The following GMDS variants were observed in gnomAD, a reference collection of about 807,000 sequenced individuals.
GMDS encodes GDP-mannose 4,6 dehydratase.
GMDS carries 20 observed loss-of-function variants against 49.9 expected under a neutral mutation model. That is an observed-to-expected ratio of 0.40 (90% confidence interval 0.28 to 0.58). GMDS has a LOEUF of 0.58. GMDS is among the 20% of genes least tolerant of loss of function. The probability of loss-of-function intolerance (pLI) is 0.42; values close to 1 mark genes in which losing one functional copy is unlikely to be tolerated. For synonymous variants in GMDS, 177 were observed against 178.6 expected (o/e 0.99, Z 0.07); for missense variants, 362 against 481.4 (o/e 0.75, Z 2.32).
intron 4 of GMDS, among the ~76,000 whole-genome samples, chr6:2,084,228 T>C (rs1006744877): frequency 1.3e-5 from 2 of 152,198 alleles, no homozygotes; most frequent in African/African-American, 4.8e-5. Flanking sequence ...CCAAGTACTA[T>C]ACCTATAATG....
chr6:1,695,612 C>T lies in GMDS; in HGVS notation c.987+30804G>A, dbSNP rs1277097552. 2.6e-5 allele frequency among the ~76,000 whole-genome samples: 4 copies of T among 152,302 alleles called. No individual in the cohort carries two copies. The East Asian group carries it at 7.7e-4, about 29-fold the overall frequency. On this transcript the variant is annotated intron_variant, in intron 9 of 10. Coordinates refer to ENST00000380815, the MANE Select transcript of GMDS (RefSeq NM_001500.4). ...AGTTCTTTCTCAACATCAGCATCAG[C>T]ATGTGGCCATGACAAATGAAGTCTG...
intron 1 of GMDS, among the ~76,000 whole-genome samples, chr6:2,148,960 G>T (rs539852624): frequency 5.3e-5 from 8 of 152,146 alleles, no homozygotes; most frequent in Non-Finnish European, 8.8e-5. Context: ...TGCAGGTACC[G>T]CTGATACAGC....
intron 4 of GMDS, among the ~76,000 whole-genome samples, chr6:2,103,609 G>T (rs1160194954): frequency 6.6e-6 from 1 of 152,142 alleles, no homozygotes; most frequent in Non-Finnish European, 1.5e-5. Flanking sequence ...TTAAGGACAT[G>T]TTACAAATTG....
intron 4 of GMDS, among the ~76,000 whole-genome samples, chr6:2,114,035 C>G (rs1165360191): frequency 6.6e-6 from 1 of 152,158 alleles, no homozygotes; most frequent in African/African-American, 2.4e-5. Flanking sequence ...AAAACACTAT[C>G]ATGATCACTA....
chr6:1,819,488 C>A (rs546414088), intron 7 of GMDS, among the ~76,000 whole-genome samples: 1 of 151,984 alleles, frequency 6.6e-6, no homozygotes, highest in Admixed American at 6.6e-5. Context: ...GGCCTGGGTG[C>A]GGTGGCTCCT....
At chr6:1,810,051 G>A (rs575665325) in intron 7 of GMDS, among the ~76,000 whole-genome samples, 3 of 152,260 alleles carry the variant, frequency 2.0e-5, no homozygotes, top group East Asian at 3.9e-4. Context: ...ACTACACTGA[G>A]CAGTTGCTAT....
At chr6:1,809,700 G>A (rs1269525224) in intron 7 of GMDS, among the ~76,000 whole-genome samples, 1 of 152,052 alleles carries the variant, frequency 6.6e-6, no homozygotes, top group Non-Finnish European at 1.5e-5. Flanking sequence ...AAAGAAGAGG[G>A]CTAGTGAAAG....
chr6:1,737,638 CACAT>C (rs1053138647), intron 8 of GMDS, among the ~76,000 whole-genome samples: 13 of 146,548 alleles, frequency 8.9e-5, no homozygotes, highest in African/African-American at 2.5e-4. Flanking sequence ...TACACACGCA[CACAT>C]ACATACACAT....
intron 6 of GMDS, among the ~76,000 whole-genome samples, chr6:1,944,766 C>T (rs2476464): frequency 6.0e-5 from 9 of 150,786 alleles, no homozygotes; most frequent in Non-Finnish European, 1.0e-4. Context: ...TGCAAAGTAA[C>T]GAAATCTTCA....
intron 4 of GMDS, among the ~76,000 whole-genome samples, chr6:2,002,131 T>G (rs1401764988): frequency 6.6e-6 from 1 of 152,184 alleles, no homozygotes; most frequent in Non-Finnish European, 1.5e-5. Flanking sequence ...AAAATTGGAT[T>G]TATATAAAGT....
chr6:1,934,443 T>C (rs1762430196), intron 6 of GMDS, among the ~76,000 whole-genome samples: 1 of 152,238 alleles, frequency 6.6e-6, no homozygotes, highest in African/African-American at 2.4e-5. Context: ...AGGGATCATG[T>C]TGAATCTGTA....
intron 7 of GMDS, among the ~76,000 whole-genome samples, chr6:1,776,771 T>C (rs543143248): frequency 1.3e-5 from 2 of 152,194 alleles, no homozygotes; most frequent in Non-Finnish European, 2.9e-5. Flanking sequence ...AACCTGCCTC[T>C]AAGTAAATTT....
chr6:2,055,947 TAAAGA>T lies in GMDS; in HGVS notation c.345+59819_345+59823del, dbSNP rs954423323. On this transcript the variant is annotated intron_variant, in intron 4 of 10. Transcript: ENST00000380815. ...TACTCATCATTGTAATTTTTCAGTT[TAAAGA>T]AAAGACCAAAGCATTCCACTTTATT... Among the ~76,000 whole-genome samples, 19 of 152,252 alleles carry T rather than the reference TAAAGA, an allele frequency of 1.2e-4. No homozygotes were observed. In the East Asian group the frequency reaches 1.9e-3, roughly 15 times the overall value.
rs150669711 is a variant in GMDS at position 1,989,462 on chromosome 6, A to G, written c.346-28496T>C. Among the ~76,000 whole-genome samples, 818 of 152,362 alleles carry G rather than the reference A, an allele frequency of 5.4e-3. 8 individuals carry two copies. Among genetic ancestry groups the G allele is most frequent in the Middle Eastern group, 0.037 (11 of 294 alleles). On this transcript the variant is annotated intron_variant, in intron 4 of 10. Coordinates refer to ENST00000380815, the MANE Select transcript of GMDS (RefSeq NM_001500.4). ...AGATCCCCAAAGAAGAAAGGCTAAG[A>G]AAGGCTTTGTGTTCACATGTTCATA...
chr6:1,763,908 G>C (rs943388504), intron 7 of GMDS, among the ~76,000 whole-genome samples: 2 of 152,146 alleles, frequency 1.3e-5, no homozygotes, highest in African/African-American at 4.8e-5. Context: ...CCCTTGGAGG[G>C]AGCAGTGCCA....
intron 4 of GMDS, among the ~76,000 whole-genome samples, chr6:1,972,360 C>T (rs1764670352): frequency 6.7e-6 from 1 of 149,486 alleles, no homozygotes; most frequent in Non-Finnish European, 1.5e-5. Context: ...TGTCATTTTA[C>T]AGTTTATCAG....
At chr6:1,903,158 G>A (rs1760585743) in intron 7 of GMDS, among the ~76,000 whole-genome samples, 1 of 152,162 alleles carries the variant, frequency 6.6e-6, no homozygotes, top group African/African-American at 2.4e-5. Flanking sequence ...AAAAAAGATT[G>A]TGGATTTATT....
chr6:1,828,754 C>T (rs948737545), intron 7 of GMDS, among the ~76,000 whole-genome samples: 2 of 152,178 alleles, frequency 1.3e-5, no homozygotes, highest in African/African-American at 4.8e-5. Flanking sequence ...AAGTTCATTA[C>T]CACTATACCT....
intron 4 of GMDS, among the ~76,000 whole-genome samples, chr6:1,973,240 C>A (rs1294458525): frequency 6.6e-6 from 1 of 152,160 alleles, no homozygotes; most frequent in African/African-American, 2.4e-5. Flanking sequence ...CATAAATACA[C>A]TAAGGCATTA....
Sources: gnomAD v4.1 joint callset for allele counts (sites outside exome capture counted in the v4.1 genomes callset) on GRCh38, gnomAD v4.1.1 for gene constraint, MANE v1.5 for transcripts, NCBI Gene and HGNC (gene_info 2026-07-23, HGNC 2026-07-21) for gene names.